FNDC1: variants seen among roughly 807,000 people sequenced by gnomAD.
The protein encoded by FNDC1 is fibronectin type III domain containing 1.
FNDC1 carries 96 observed loss-of-function variants against 168.0 expected under a neutral mutation model. The observed-to-expected ratio is 0.57, with a 90% CI of 0.48 to 0.68. The LOEUF (loss-of-function observed/expected upper bound fraction) is 0.68. Ranked by LOEUF, FNDC1 falls within the 30% of genes least tolerant of loss-of-function variation. The pLI is 0.00. For missense variants in FNDC1, 2,587 were observed against 2,482.1 expected (o/e 1.04, Z -0.90); for synonymous variants, 1,099 against 1,025.9 (o/e 1.07, Z -1.36).
At position 159,225,657 on chromosome 6, in the gene FNDC1, G is replaced by A. The variant is rs769438661; in HGVS notation, c.1007G>A (p.Arg336His). 6.8e-6 allele frequency: 11 copies of A among 1,613,774 alleles called. No individual in the cohort carries two copies. The highest frequency in any genetic ancestry group is 1.1e-5 in the South Asian group (1 of 91,046). ...IPDTVYEFAV[R>H]ISQGERDGKW... ...GACACTGTGTATGAATTTGCAGTCC[G>A]TATTTCACAGGGTGAAAGAGATGGC... The change falls in exon 8 of 23, where the codon CGT becomes CAT. Residue 336 changes from arginine to histidine, a missense_variant. Coordinates refer to ENST00000297267, the MANE Select transcript of FNDC1 (RefSeq NM_032532.3).
Position 159,225,590 on chromosome 6 carries a change from C to G in FNDC1, c.940C>G (p.Gln314Glu), listed in dbSNP as rs1261697653. 6.2e-7 allele frequency: 1 copy of G among 1,613,848 alleles called. No individual in the cohort carries two copies. The highest frequency in any genetic ancestry group is 1.7e-5 in the Admixed American group (1 of 60,010). Reference sequence around the variant, plus strand: ...GGAATTGGCCAGGTGGGATTATAAGCAGATCGCTAACAGGCGTGTGCTGAT... The same window carrying G: ...GGAATTGGCCAGGTGGGATTATAAGGAGATCGCTAACAGGCGTGTGCTGAT... ...KGELARWDYK[Q>E]IANRRVLIEN... Residue 314 changes from glutamine (Q) to glutamate (E), a missense_variant, in exon 8 of 23, where the codon CAG becomes GAG. By Grantham distance (29) the Gln-to-Glu change is conservative. Transcript: ENST00000297267.
intron 1 of FNDC1, among the ~76,000 whole-genome samples, chr6:159,176,229 C>G (rs1360488843): frequency 6.6e-6 from 1 of 152,184 alleles, no homozygotes; most frequent in Non-Finnish European, 1.5e-5. Flanking sequence ...GAAGGGCCCC[C>G]CAGCTCTAAC....
chr6:159,183,956 T>C (rs9457562), intron 1 of FNDC1, among the ~76,000 whole-genome samples: 19,566 of 152,292 alleles, frequency 0.13, 1,415 homozygotes, highest in African/African-American at 0.17. Context: ...TCTGGGTTTA[T>C]ACTTATTGCT....
intron 12 of FNDC1, 110 bp downstream of exon 12, chr6:159,236,425 C>T: frequency 2.8e-6 from 2 of 707,658 alleles, no homozygotes; most frequent in Non-Finnish European, 2.4e-6. Flanking sequence ...TTCTTCTTCT[C>T]TAGTTTTAAC....
At chr6:159,231,329 T>C (rs1458866117) in intron 10 of FNDC1, among the ~76,000 whole-genome samples, 2 of 29,194 alleles carry the variant, frequency 6.9e-5, no homozygotes, top group African/African-American at 1.1e-4. Flanking sequence ...GAGCCGAGAT[T>C]GCGCCACTGC....
At chr6:159,264,001 C>T (rs1304102479) in intron 19 of FNDC1, among the ~76,000 whole-genome samples, 1 of 152,166 alleles carries the variant, frequency 6.6e-6, no homozygotes, top group Non-Finnish European at 1.5e-5. Context: ...AAGCAGAATT[C>T]CTTGAAAAGC....
At chr6:159,241,413 T>G (rs1399731258) in intron 14 of FNDC1, among the ~76,000 whole-genome samples, 3 of 152,230 alleles carry the variant, frequency 2.0e-5, no homozygotes, top group African/African-American at 7.2e-5. Flanking sequence ...TTATTTGGCA[T>G]GAAAGTCAAT....
chr6:159,260,737 G>A (rs1777463676), intron 18 of FNDC1, among the ~76,000 whole-genome samples: 1 of 152,162 alleles, frequency 6.6e-6, no homozygotes, highest in Non-Finnish European at 1.5e-5. Context: ...GATATAATTA[G>A]GTTATAATTT....
intron 1 of FNDC1, among the ~76,000 whole-genome samples, chr6:159,189,072 A>G (rs77778481): frequency 0.012 from 1,767 of 152,228 alleles, 41 homozygotes; most frequent in African/African-American, 0.04. Flanking sequence ...TTCATAGAAG[A>G]TCTTGATTAA....
In FNDC1 at chr6:159,231,928, C is replaced by G. The variant is rs1783090542; in HGVS notation, c.1416C>G (p.Pro472=). The change falls in exon 11 of 23, where the codon CCC becomes CCG. Residue 472 remains proline (P), a synonymous_variant. Transcript: ENST00000297267. ...VEQNTEDNGK[P]EKPEPSSPSP... ...AGAACACGGAGGACAATGGGAAACC[C>G]GAAAAACCTGAGCCTTCCTCACCTT... The G allele has an allele frequency of 1.9e-6, 3 of 1,613,060 alleles. No homozygotes were observed.
Position 159,266,092 on chromosome 6 carries a change from C to G in FNDC1, c.5293C>G (p.Pro1765Ala). 3 of 1,613,752 alleles carry G rather than the reference C, an allele frequency of 1.9e-6. No individual in the cohort carries two copies. Among genetic ancestry groups the G allele is most frequent in the Non-Finnish European group, 2.5e-6 (3 of 1,179,742 alleles). ...TGTTTTGTGTTGTCAAGGCGGTGAG[C>G]CTATCTGGATCCCATTCGCTTTCAA... The part of the protein sequence containing the change: ...LLVVRPPGGE[P>A]IWIPFAFKHD... The change falls in exon 21 of 23, where the codon CCT becomes GCT. Residue 1765 changes from proline (P) to alanine (A), a missense_variant. Physicochemically the swap from Pro to Ala is conservative, Grantham distance 27. Transcript: ENST00000297267.
At chr6:159,246,404 G>A (rs533769871) in intron 14 of FNDC1, among the ~76,000 whole-genome samples, 2 of 152,316 alleles carry the variant, frequency 1.3e-5, no homozygotes, top group East Asian at 1.9e-4. Flanking sequence ...GATGGAGGAG[G>A]TGGAGGAATG....
intron 1 of FNDC1, among the ~76,000 whole-genome samples, chr6:159,174,737 C>A (rs1781729893): frequency 6.6e-6 from 1 of 152,216 alleles, no homozygotes; most frequent in South Asian, 2.1e-4. Context: ...CCTAGACCTG[C>A]AGCTGGGGTC....
rs1448534928 is a variant in FNDC1, at chr6:159,256,606, A to T, written c.5149A>T (p.Ile1717Phe). The T allele has an allele frequency of 1.2e-6, 2 of 1,613,696 alleles. No homozygotes were observed. The highest frequency in any genetic ancestry group is 4.5e-5 in the East Asian group (2 of 44,878). ...AGCTTCATCAGTAACTCACTTGCCC[A>T]TTGAGAACCTAAAGCCCAACACGAG... Reference protein sequence around the residue: ...TQASSVTHLPIENLKPNTRYY... With the variant: ...TQASSVTHLPFENLKPNTRYY... Residue 1717 changes from isoleucine to phenylalanine, a missense_variant, in exon 18 of 23, where the codon ATT becomes TTT. Ile to Phe is a conservative substitution (Grantham distance 21). Coordinates refer to ENST00000297267, the MANE Select transcript of FNDC1 (RefSeq NM_032532.3).
intron 5 of FNDC1, among the ~76,000 whole-genome samples, chr6:159,218,031 C>T (rs1198264478): frequency 2.6e-5 from 4 of 152,022 alleles, no homozygotes; most frequent in African/African-American, 9.7e-5. Context: ...GGCATATCAG[C>T]AGGGAAATAG....
In FNDC1 at chr6:159,232,825, C is replaced by G. The variant is rs1244161763; in HGVS notation, c.2313C>G (p.Leu771=). 2.5e-6 allele frequency: 4 copies of G among 1,613,858 alleles called. No individual in the cohort carries two copies. The highest frequency in any genetic ancestry group is 1.7e-5 in the Admixed American group (1 of 60,008). ...TGTCCTCCTCCGTCTCTTCTCATCTCTCGTCCAGGACGCAGGTCTCTGAGG... is the reference window on the plus strand; with the variant it reads ...TGTCCTCCTCCGTCTCTTCTCATCTGTCGTCCAGGACGCAGGTCTCTGAGG... The part of the protein sequence containing the change: ...STMSSSVSSH[L]SSRTQVSEGA... Residue 771 remains leucine, a synonymous_variant, in exon 11 of 23, where the codon CTC becomes CTG. Coordinates refer to ENST00000297267, the MANE Select transcript of FNDC1 (RefSeq NM_032532.3). This position sits in a 1 kb window ranked among gnomAD's most constrained non-coding sequence, Gnocchi z 4.9.
intron 12 of FNDC1, among the ~76,000 whole-genome samples, chr6:159,238,306 C>T (rs775888149): frequency 1.3e-4 from 20 of 151,870 alleles, no homozygotes; most frequent in Non-Finnish European, 2.2e-4. Context: ...ACCGTGGTCT[C>T]GATCTCCTGA....
At chr6:159,237,140 T>C (rs1005581822) in intron 12 of FNDC1, among the ~76,000 whole-genome samples, 1 of 152,228 alleles carries the variant, frequency 6.6e-6, no homozygotes, top group African/African-American at 2.4e-5. Flanking sequence ...GTAGGAAGAA[T>C]GCACATTAAA....
chr6:159,233,500 G>A lies in FNDC1; in HGVS notation c.2988G>A (p.Met996Ile), dbSNP rs1369204536. The change falls in exon 11 of 23, where the codon ATG becomes ATA. Residue 996 changes from methionine to isoleucine, a missense_variant. By Grantham distance (10) the Met-to-Ile change is conservative. Transcript: ENST00000297267. This position sits in a 1 kb window ranked among gnomAD's most constrained non-coding sequence, Gnocchi z 4.6. ...SQQHPSVPRR[M>I]TPGRAPQQQP... ...AGCATCCCAGTGTTCCCAGAAGGAT[G>A]ACACCCGGCCGGGCCCCACAACAGC... 5 of 1,603,868 alleles carry A rather than the reference G, an allele frequency of 3.1e-6. No individual in the cohort carries two copies. Among genetic ancestry groups the A allele is most frequent in the African/African-American group, 1.3e-5 (1 of 74,976 alleles).
Sources: gnomAD v4.1 joint callset for allele counts (sites outside exome capture counted in the v4.1 genomes callset) on GRCh38, gnomAD v4.1.1 for gene constraint, Gnocchi (gnomAD v3.1) non-coding constraint, MANE v1.5 for transcripts, NCBI Gene and HGNC (gene_info 2026-07-23, HGNC 2026-07-21) for gene names.